GATA4: variants seen among roughly 807,000 people sequenced by gnomAD.
GATA4 encodes the protein transcription factor GATA-4.
GATA4 carries 7 observed loss-of-function variants against 37.9 expected under a neutral mutation model. That is an observed-to-expected ratio of 0.18 (90% CI 0.11 to 0.35). The LOEUF is 0.35. Among genes scored for constraint, GATA4 ranks in the 10% least tolerant of loss-of-function variants. GATA4 has a pLI of 1.00. For synonymous variants in GATA4, 372 were observed against 292.6 expected (o/e 1.27, Z -2.77); for missense variants, 647 against 653.0 (o/e 0.99, Z 0.10).
chr8:11,733,763 C>A (rs1412711804), intron 2 of GATA4, among the ~76,000 whole-genome samples: 1 of 152,208 alleles, frequency 6.6e-6, no homozygotes, highest in African/African-American at 2.4e-5. Context: ...CAGCACACTG[C>A]TCTGTTCTTT....
chr8:11,744,415 C>T (rs1369527790), intron 2 of GATA4, among the ~76,000 whole-genome samples: 1 of 152,204 alleles, frequency 6.6e-6, no homozygotes, highest in Non-Finnish European at 1.5e-5. Context: ...TGGAGGAGTT[C>T]CCGGGATGCC....
intron 2 of GATA4, among the ~76,000 whole-genome samples, chr8:11,746,564 C>T (rs1802042271): frequency 6.6e-6 from 1 of 152,228 alleles, no homozygotes; most frequent in Non-Finnish European, 1.5e-5. Flanking sequence ...TGCCCGCGCC[C>T]GCCTCTTGCT....
chr8:11,746,017 T>G (rs1390069125), intron 2 of GATA4, among the ~76,000 whole-genome samples: 1 of 152,156 alleles, frequency 6.6e-6, no homozygotes, highest in Non-Finnish European at 1.5e-5. Context: ...CAGTGGCTTA[T>G]GCCTGTAATC....
At chr8:11,680,375 C>T (rs529824782) in intron 1 of GATA4, 1 of 562,920 alleles carries the variant, frequency 1.8e-6, no homozygotes, top group African/African-American at 2.0e-5. Context: ...ACTAACCAGG[C>T]CCCTCGGATT....
At chr8:11,723,491 C>A (rs565055535) in intron 2 of GATA4, among the ~76,000 whole-genome samples, 1 of 152,284 alleles carries the variant, frequency 6.6e-6, no homozygotes, top group African/African-American at 2.4e-5. Context: ...TTAATAGTTT[C>A]TTGCTTTCCA....
upstream of GATA4, among the ~76,000 whole-genome samples, chr8:11,687,886 G>A (rs1490747083): frequency 1.3e-5 from 2 of 152,134 alleles, no homozygotes; most frequent in Non-Finnish European, 2.9e-5. Flanking sequence ...GGCAGGTGTT[G>A]CCCAATGAGG....
At chr8:11,748,231 G>C (rs909380173) in intron 2 of GATA4, among the ~76,000 whole-genome samples, 1 of 151,920 alleles carries the variant, frequency 6.6e-6, no homozygotes, top group Non-Finnish European at 1.5e-5. Context: ...AAAGAGAAAA[G>C]AAGTCTCACA....
upstream of GATA4, chr8:11,692,030 G>A: frequency 1.0e-6 from 1 of 985,392 alleles, no homozygotes; most frequent in Non-Finnish European, 1.2e-6. Flanking sequence ...ATCTGTTCAT[G>A]ATCCTCACCT....
chr8:11,716,180 G>A (rs1800424831), intron 2 of GATA4, among the ~76,000 whole-genome samples: 1 of 152,104 alleles, frequency 6.6e-6, no homozygotes, highest in Non-Finnish European at 1.5e-5. Context: ...ATGAACATGG[G>A]TATGCAAATG....
chr8:11,710,939 C>T (rs1218794762), intron 2 of GATA4, among the ~76,000 whole-genome samples: 1 of 151,858 alleles, frequency 6.6e-6, no homozygotes, highest in Non-Finnish European at 1.5e-5. Flanking sequence ...GGTGAAACCC[C>T]ATCTCTACTA....
rs571669678 is a variant in GATA4 at position 11,722,936 on chromosome 8, C to T, written c.616+14008C>T. Among the ~76,000 whole-genome samples the T allele has an allele frequency of 1.1e-3, 173 of 152,300 alleles. 1 individual carries two copies. The highest frequency in any genetic ancestry group is 3.8e-3 in the African/African-American group (159 of 41,544). On this transcript the variant is annotated intron_variant, in intron 2 of 6. Coordinates refer to ENST00000532059, the MANE Select transcript of GATA4 (RefSeq NM_001308093.3). ...GGAGGTACAGTTTGTCTAGGAAAGG[C>T]AGGATACATGCCTGCTACAGTCGCT... is the stretch of plus-strand genomic sequence containing the variant.
intron 5 of GATA4, 70 bp downstream of exon 5, chr8:11,755,203 T>C: frequency 7.4e-7 from 1 of 1,344,882 alleles, no homozygotes; most frequent in Non-Finnish European, 1.1e-6. Flanking sequence ...GAATCATATC[T>C]TCCGGGTTAG....
Position 11,749,821 on chromosome 8 carries a change from C to T in GATA4, c.787-290C>T, listed in dbSNP as rs3735818. On this transcript the variant is annotated intron_variant, in intron 3 of 6. Coordinates refer to ENST00000532059, the MANE Select transcript of GATA4 (RefSeq NM_001308093.3). This position sits in a 1 kb window ranked among gnomAD's most constrained non-coding sequence, Gnocchi z 4.6. Reference sequence around the variant, plus strand: ...AAGCTTTCCTGCCGGCAGTGCCCGGCGCTCACTGGTTATTCGCCTGACGGT... The same window carrying T: ...AAGCTTTCCTGCCGGCAGTGCCCGGTGCTCACTGGTTATTCGCCTGACGGT... 0.14 allele frequency among the ~76,000 whole-genome samples: 21,216 copies of T among 152,226 alleles called. 1,818 individuals are homozygous for T. Among genetic ancestry groups the T allele is most frequent in the South Asian group, 0.28 (1,337 of 4,814 alleles).
chr8:11,693,520 CAA>C (rs1491583808), intron 1 of GATA4, among the ~76,000 whole-genome samples: 8 of 68,700 alleles, frequency 1.2e-4, no homozygotes, highest in East Asian at 6.9e-4. Context: ...TGATTCAGCA[CAA>C]ACACACACAC....
At chr8:11,735,004 T>G (rs1015143649) in intron 2 of GATA4, among the ~76,000 whole-genome samples, 11 of 152,170 alleles carry the variant, frequency 7.2e-5, no homozygotes, top group Admixed American at 5.9e-4. Flanking sequence ...GTAAATCAAC[T>G]CAAATAAAGC....
intron 2 of GATA4, among the ~76,000 whole-genome samples, chr8:11,741,213 C>T (rs185651414): frequency 1.2e-3 from 180 of 152,232 alleles, no homozygotes; most frequent in African/African-American, 4.2e-3. Context: ...AGTGGTGGCT[C>T]ATGCCTGTAA....
rs759095800 is a variant in GATA4 at position 11,749,083 on chromosome 8, C to G, written c.784C>G (p.Leu262Val). ...NRPLIKPQRR[L>V]SASRRVGLSC... ...GCCGCTCATCAAGCCTCAGCGCCGG[C>G]TGGTAAGCACGTGCCTCGCAGCCTC... The change falls in exon 3 of 7, where the codon CTG becomes GTG. Residue 262 changes from leucine to valine, a missense_variant and splice_region_variant. By Grantham distance (32) the Leu-to-Val change is conservative (BLOSUM62 1). This residue lies in a region of GATA4 where 56 missense variants were observed against 64.5 expected (regional missense o/e 0.87). Coordinates refer to ENST00000532059, the MANE Select transcript of GATA4 (RefSeq NM_001308093.3). This position sits in a 1 kb window ranked among gnomAD's most constrained non-coding sequence, Gnocchi z 4.6. 12 of 1,613,990 alleles carry G rather than the reference C, an allele frequency of 7.4e-6. No individual in the cohort carries two copies. In the South Asian group the frequency reaches 1.1e-4, roughly 15 times the overall value.
intron 2 of GATA4, among the ~76,000 whole-genome samples, chr8:11,730,248 C>T (rs1801140606): frequency 6.6e-6 from 1 of 152,124 alleles, no homozygotes; most frequent in Non-Finnish European, 1.5e-5. Flanking sequence ...AGTAAGGATC[C>T]AGCTGTCTTC....
chr8:11,702,308 G>A (rs1472468503), upstream of GATA4, among the ~76,000 whole-genome samples: 2 of 152,006 alleles, frequency 1.3e-5, no homozygotes, highest in Non-Finnish European at 2.9e-5. The surrounding 1 kb of genome is among the most constrained non-coding windows in gnomAD (Gnocchi z 4.4). Context: ...GGTCGCGCGT[G>A]GGAGGCAGCT....
Sources: allele counts gnomAD v4.1 joint callset (sites outside exome capture counted in the v4.1 genomes callset), GRCh38; gene constraint gnomAD v4.1.1; regional missense constraint gnomAD v4.1.1; non-coding constraint Gnocchi (gnomAD v3.1); transcripts MANE v1.5; gene names NCBI Gene and HGNC (gene_info 2026-07-23, HGNC 2026-07-21).